The following POU6F2 variants were observed in gnomAD, a reference collection of about 807,000 sequenced individuals.
The protein encoded by POU6F2 is POU class 6 homeobox 2.
In POU6F2, 31 loss-of-function variants were observed where a neutral mutation model predicts 71.3. The ratio of observed to expected loss-of-function variants is 0.43; its 90% confidence interval spans 0.33 to 0.59. The LOEUF (loss-of-function observed/expected upper bound fraction) is 0.59, where lower values mean the gene tolerates loss of function less well. Ranked by LOEUF, POU6F2 falls within the 20% of genes least tolerant of loss-of-function variation. The probability of loss-of-function intolerance (pLI) is 0.04; values close to 1 mark genes in which losing one functional copy is unlikely to be tolerated. For missense variants in POU6F2, 783 were observed against 856.8 expected, an observed-to-expected ratio of 0.91 and a Z score of 1.07; for synonymous variants, 347 against 355.7, an observed-to-expected ratio of 0.98 and a Z score of 0.27.
intron 4 of POU6F2, among the ~76,000 whole-genome samples, chr7:39,235,486 C>T (rs976437408): frequency 2.6e-5 from 4 of 152,148 alleles, no homozygotes; most frequent in Admixed American, 6.5e-5. Context: ...ACCACCGGGC[C>T]ACCCTGCCCC....
intron 6 of POU6F2, among the ~76,000 whole-genome samples, chr7:39,419,151 ATG>A (rs1390948292): frequency 7.0e-6 from 1 of 142,234 alleles, no homozygotes; most frequent in East Asian, 2.1e-4. Context: ...ATACGTATAT[ATG>A]TGTATATATA....
intron 5 of POU6F2, among the ~76,000 whole-genome samples, chr7:39,386,710 A>G (rs752923049): frequency 3.9e-5 from 6 of 152,152 alleles, no homozygotes; most frequent in Non-Finnish European, 7.3e-5. Flanking sequence ...AATTTTCTGA[A>G]AATAATGCAA....
chr7:39,190,293 A>G (rs1584591878), intron 2 of POU6F2, among the ~76,000 whole-genome samples: 1 of 152,134 alleles, frequency 6.6e-6, no homozygotes, highest in East Asian at 1.9e-4. Context: ...CATGATACAC[A>G]TTGATAGACT....
intron 2 of POU6F2, among the ~76,000 whole-genome samples, chr7:39,201,567 A>G (rs934482054): frequency 6.6e-6 from 1 of 152,252 alleles, no homozygotes; most frequent in Admixed American, 6.5e-5. Flanking sequence ...CATAGAGCTC[A>G]TAGTTGCTGC....
chr7:39,000,132 T>G (rs1277989950), intron 1 of POU6F2, among the ~76,000 whole-genome samples: 1 of 152,128 alleles, frequency 6.6e-6, no homozygotes, highest in Non-Finnish European at 1.5e-5. Context: ...AGGGGTCAGT[T>G]AGGGTAACTC....
At chr7:39,211,698 C>A (rs1794145875) in intron 4 of POU6F2, among the ~76,000 whole-genome samples, 1 of 152,160 alleles carries the variant, frequency 6.6e-6, no homozygotes. Context: ...CCCTGTAACC[C>A]AGCCTCATTG....
chr7:39,113,161 A>G (rs1036666572), intron 2 of POU6F2, among the ~76,000 whole-genome samples: 1 of 152,158 alleles, frequency 6.6e-6, no homozygotes, highest in African/African-American at 2.4e-5. Context: ...CTTGGTACCC[A>G]CTTTATGAGA....
At chr7:39,210,279 C>T (rs934912856) in intron 4 of POU6F2, among the ~76,000 whole-genome samples, 5 of 152,128 alleles carry the variant, frequency 3.3e-5, no homozygotes, top group Admixed American at 6.6e-5. Flanking sequence ...GTGCCCTTTT[C>T]CTCATTGTGA....
At chr7:39,380,042 A>T (rs1786795603) in intron 5 of POU6F2, among the ~76,000 whole-genome samples, 1 of 152,194 alleles carries the variant, frequency 6.6e-6, no homozygotes, top group African/African-American at 2.4e-5. Context: ...GAAATGATCT[A>T]TTCATCCCAA....
chr7:39,213,765 A>G (rs777529894), intron 4 of POU6F2, among the ~76,000 whole-genome samples: 3 of 152,128 alleles, frequency 2.0e-5, no homozygotes, highest in African/African-American at 7.2e-5. Context: ...AATATGCTAC[A>G]TTTTGTTTAT....
chr7:39,300,207 G>T (rs1403233915), intron 4 of POU6F2, among the ~76,000 whole-genome samples: 3 of 152,174 alleles, frequency 2.0e-5, no homozygotes, highest in Non-Finnish European at 4.4e-5. Flanking sequence ...CTTTATAAAA[G>T]TTTAAAACTT....
intron 1 of POU6F2, among the ~76,000 whole-genome samples, chr7:39,052,098 T>G (rs1790411168): frequency 6.6e-6 from 1 of 152,110 alleles, no homozygotes; most frequent in Admixed American, 6.6e-5. Context: ...CTATGCAACT[T>G]TGGAGAGCCT....
At chr7:39,144,954 C>A (rs145382433) in intron 2 of POU6F2, among the ~76,000 whole-genome samples, 20 of 152,094 alleles carry the variant, frequency 1.3e-4, no homozygotes, top group Non-Finnish European at 2.6e-4. Flanking sequence ...TTGACTCATG[C>A]GGAATTTACA....
rs553449069 is a variant in POU6F2, at chr7:39,458,100, A to G, written c.1490-2447A>G. On this transcript the variant is annotated intron_variant, in intron 8 of 9. Coordinates refer to ENST00000518318, the MANE Select transcript of POU6F2 (RefSeq NM_001370959.1). Reference sequence around the variant, plus strand: ...CTATGGCCCTTTGGGGGACCACACCATTGTACTAAGACTTTTCCTGCCTCC... The same window carrying G: ...CTATGGCCCTTTGGGGGACCACACCGTTGTACTAAGACTTTTCCTGCCTCC... 6.0e-5 allele frequency among the ~76,000 whole-genome samples: 8 copies of G among 132,398 alleles called. No homozygotes were observed. In the South Asian group the frequency reaches 1.8e-3, roughly 30 times the overall value. 86.9% of individuals were successfully genotyped at this position (132,398 alleles called of 152,430 possible). A position where few individuals can be genotyped will look rare whatever the true frequency, so the allele number is the denominator to read the frequency against.
intron 1 of POU6F2, among the ~76,000 whole-genome samples, chr7:39,043,251 A>G (rs1790225838): frequency 6.6e-6 from 1 of 152,008 alleles, no homozygotes; most frequent in Admixed American, 6.6e-5. Context: ...TAAAAATGGT[A>G]AGAAAATACA....
chr7:39,274,806 A>C (rs1331962211), intron 4 of POU6F2, among the ~76,000 whole-genome samples: 29 of 138,984 alleles, frequency 2.1e-4, no homozygotes, highest in South Asian at 5.0e-4. Flanking sequence ...AAACCACATG[A>C]TTATCTCAAT....
intron 2 of POU6F2, among the ~76,000 whole-genome samples, chr7:39,140,556 AT>A (rs1480645655): frequency 6.6e-6 from 1 of 152,058 alleles, no homozygotes; most frequent in Non-Finnish European, 1.5e-5. Flanking sequence ...TGGCCACATC[AT>A]CCCAGTCTCT....
At chr7:39,280,018 T>C (rs993604657) in intron 4 of POU6F2, among the ~76,000 whole-genome samples, 1 of 152,124 alleles carries the variant, frequency 6.6e-6, no homozygotes, top group African/African-American at 2.4e-5. Context: ...GTGCTGGGAT[T>C]GTAGATGTGA....
intron 5 of POU6F2, among the ~76,000 whole-genome samples, chr7:39,350,985 AGTTT>A: frequency 6.6e-6 from 1 of 152,124 alleles, no homozygotes; most frequent in East Asian, 1.9e-4. Flanking sequence ...ACACCTGAGG[AGTTT>A]GTTTGCTTGT....
Sources: gnomAD v4.1 joint callset for allele counts (sites outside exome capture counted in the v4.1 genomes callset) on GRCh38, gnomAD v4.1.1 for gene constraint, MANE v1.5 for transcripts, NCBI Gene and HGNC (gene_info 2026-07-23, HGNC 2026-07-21) for gene names.